ERC1: variants seen among roughly 807,000 people sequenced by gnomAD.
ERC1 encodes the protein ELKS/RAB6-interacting/CAST family member 1.
ERC1 carries 56 observed loss-of-function variants against 132.0 expected under a neutral mutation model. That is an observed-to-expected ratio of 0.42 (90% CI 0.34 to 0.53). The LOEUF (loss-of-function observed/expected upper bound fraction) is 0.53. Ranked by LOEUF, ERC1 falls within the 20% of genes least tolerant of loss-of-function variation. The pLI is 0.03. For synonymous variants in ERC1, 478 were observed against 476.1 expected, an observed-to-expected ratio of 1.00 and a Z score of -0.05; for missense variants, 1,202 against 1,349.9, an observed-to-expected ratio of 0.89 and a Z score of 1.72.
In ERC1 at chr12:1,013,821, T is replaced by C. The variant is rs374050463; in HGVS notation, c.-156-13927T>C. Among the ~76,000 whole-genome samples the C allele has an allele frequency of 2.0e-5, 3 of 152,176 alleles. No homozygotes were observed. The East Asian group carries it at 5.8e-4, about 29-fold the overall frequency. On this transcript the variant is annotated intron_variant, in intron 1 of 18. Coordinates refer to ENST00000360905, the MANE Select transcript of ERC1 (RefSeq NM_178040.4). Reference sequence around the variant, plus strand: ...ATCATAGGTCGCTGCAGCCTTGAACTCCTGGGCTCAAGCTGTCTTACTGCT... The same window carrying C: ...ATCATAGGTCGCTGCAGCCTTGAACCCCTGGGCTCAAGCTGTCTTACTGCT...
chr12:1,116,069 TCTTGGCAC>T (rs1565998445), intron 7 of ERC1, 36 bp downstream of exon 7: 1 of 1,580,194 alleles, frequency 6.3e-7, no homozygotes, highest in Non-Finnish European at 8.6e-7. Flanking sequence ...GGAGTTGGTT[TCTTGGCAC>T]CTTTTCATAA....
At position 1,487,539 on chromosome 12, in the gene ERC1, T is replaced by TAAAAAAAAAA. The variant is rs77723832; in HGVS notation, c.3214-2548_3214-2547insAAAAAAAAAA. The stretch of plus-strand genomic sequence containing the variant: ...GGGCAACATAGTTAGACCGCACCTC[T>TAAAAAAAAAA]AAAAAAGAAAAAGAAAAGAGAAATA... On this transcript the variant is annotated intron_variant, in intron 18 of 18. Transcript: ENST00000360905. Among the ~76,000 whole-genome samples, 18 of 130,840 alleles carry TAAAAAAAAAA rather than the reference T, an allele frequency of 1.4e-4. 1 individual carries two copies. Among genetic ancestry groups the TAAAAAAAAAA allele is most frequent in the South Asian group, 2.5e-4 (1 of 4,052 alleles). 85.8% of individuals were successfully genotyped at this position (130,840 alleles called of 152,430 possible).
intron 16 of ERC1, among the ~76,000 whole-genome samples, chr12:1,399,335 T>C (rs1017494623): frequency 6.6e-6 from 1 of 152,240 alleles, no homozygotes; most frequent in African/African-American, 2.4e-5. Context: ...TATTGAGATA[T>C]GATTCACATC....
intron 13 of ERC1, among the ~76,000 whole-genome samples, chr12:1,255,620 C>CATTTTTTT (rs1566399407): frequency 3.5e-5 from 3 of 86,436 alleles, no homozygotes; most frequent in Admixed American, 1.2e-4. Flanking sequence ...TGCTTCCTGG[C>CATTTTTTT]CTTTTTTTTT....
Position 1,236,832 on chromosome 12 carries a change from G to A in ERC1, c.2415G>A (p.Lys805=). 2 of 1,614,098 alleles carry A rather than the reference G, an allele frequency of 1.2e-6. No individual in the cohort carries two copies. Among genetic ancestry groups the A allele is most frequent in the East Asian group, 2.2e-5 (1 of 44,888 alleles). Reference sequence around the variant, plus strand: ...AGCACAAGGAACAGGTGGAAAAAAAGAAGAGTGCACAAATGTTAGAGGAGG... The same window carrying A: ...AGCACAAGGAACAGGTGGAAAAAAAAAAGAGTGCACAAATGTTAGAGGAGG... ...NLKHKEQVEK[K]KSAQMLEEAR... The change falls in exon 13 of 19, where the codon AAG becomes AAA. Residue 805 remains lysine (K), a synonymous_variant. Coordinates refer to ENST00000360905, the MANE Select transcript of ERC1 (RefSeq NM_178040.4).
chr12:1,290,107 C>CGTATT, intron 15 of ERC1, 95 bp downstream of exon 15: 1 of 1,074,516 alleles, frequency 9.3e-7, no homozygotes, highest in South Asian at 1.5e-5. Context: ...TACCCCAATA[C>CGTATT]ACTTACTTAA....
chr12:1,413,885 C>G (rs2091975028), intron 17 of ERC1, among the ~76,000 whole-genome samples: 1 of 152,232 alleles, frequency 6.6e-6, no homozygotes, highest in African/African-American at 2.4e-5. Context: ...AGTCCCCAAC[C>G]TTTCTGGCAC....
intron 16 of ERC1, among the ~76,000 whole-genome samples, chr12:1,394,201 C>G (rs561131366): frequency 2.0e-5 from 3 of 150,970 alleles, no homozygotes; most frequent in Admixed American, 2.0e-4. Context: ...GAGATCGAGA[C>G]CATCCTGGCT....
intron 1 of ERC1, among the ~76,000 whole-genome samples, chr12:992,066 C>T (rs75374054): frequency 0.058 from 8,754 of 152,154 alleles, 376 homozygotes; most frequent in Admixed American, 0.15. Flanking sequence ...AAGTTTTACA[C>T]CGAAGAAGAG....
intron 8 of ERC1, among the ~76,000 whole-genome samples, chr12:1,168,901 G>C (rs943751956): frequency 5.9e-5 from 9 of 152,156 alleles, no homozygotes; most frequent in Admixed American, 6.5e-5. Flanking sequence ...CTTTCTCCAG[G>C]TAAAAGTGTG....
chr12:1,124,532 A>G (rs757938544), intron 7 of ERC1, among the ~76,000 whole-genome samples: 26 of 152,298 alleles, frequency 1.7e-4, no homozygotes, highest in Non-Finnish European at 2.8e-4. Flanking sequence ...AGAGGGAAAT[A>G]GCTAGTTTTT....
intron 8 of ERC1, among the ~76,000 whole-genome samples, chr12:1,148,919 C>CAATT (rs1950606296): frequency 6.6e-6 from 1 of 152,048 alleles, no homozygotes; most frequent in Admixed American, 6.6e-5. Context: ...GCTTTGTAGA[C>CAATT]AATTACCTTT....
At chr12:1,261,959 GACTTA>G (rs527376662) in intron 13 of ERC1, among the ~76,000 whole-genome samples, 11 of 152,284 alleles carry the variant, frequency 7.2e-5, no homozygotes, top group African/African-American at 2.2e-4. Context: ...AGAAAAATCT[GACTTA>G]ACTTTGACAG....
At chr12:1,237,953 A>G (rs1293196022) in intron 13 of ERC1, among the ~76,000 whole-genome samples, 3 of 152,226 alleles carry the variant, frequency 2.0e-5, no homozygotes, top group African/African-American at 7.2e-5. Flanking sequence ...AGGCTTTACA[A>G]CAAATTCTTT....
chr12:1,395,667 T>TTAC, intron 16 of ERC1, among the ~76,000 whole-genome samples: 1 of 151,870 alleles, frequency 6.6e-6, no homozygotes, highest in Non-Finnish European at 1.5e-5. Flanking sequence ...AGCTGGGTTA[T>TTAC]GTGTCTGGGT....
intron 15 of ERC1, among the ~76,000 whole-genome samples, chr12:1,331,281 G>A (rs998188534): frequency 6.6e-6 from 1 of 152,114 alleles, no homozygotes; most frequent in African/African-American, 2.4e-5. Flanking sequence ...TTGTGTCTGG[G>A]TTCTTTCACT....
intron 15 of ERC1, 151 bp downstream of exon 15, chr12:1,290,163 C>T (rs2079340723): frequency 1.5e-6 from 1 of 659,318 alleles, no homozygotes; most frequent in Admixed American, 3.0e-5. Flanking sequence ...TAAATTTGGT[C>T]AAAGGTGGAA....
intron 16 of ERC1, among the ~76,000 whole-genome samples, chr12:1,397,016 T>TA (rs2090601073): frequency 1.3e-5 from 2 of 152,170 alleles, no homozygotes; most frequent in African/African-American, 2.4e-5. Flanking sequence ...AGGTTTAGAC[T>TA]AAAAATTTAT....
At chr12:1,334,218 C>T (rs552088163) in intron 15 of ERC1, among the ~76,000 whole-genome samples, 1 of 152,258 alleles carries the variant, frequency 6.6e-6, no homozygotes, top group South Asian at 2.1e-4. Context: ...TTTTGCTGTA[C>T]AGAAACTCTC....
Sources: gnomAD v4.1 joint callset for allele counts (sites outside exome capture counted in the v4.1 genomes callset) on GRCh38, gnomAD v4.1.1 for gene constraint, MANE v1.5 for transcripts, NCBI Gene and HGNC (gene_info 2026-07-23, HGNC 2026-07-21) for gene names.